SEPTIN9: variants seen among roughly 807,000 people sequenced by gnomAD.
SEPTIN9 encodes the protein septin-9.
SEPTIN9 carries 13 observed loss-of-function variants against 56.6 expected under a neutral mutation model. The ratio of observed to expected loss-of-function variants is 0.23; its 90% confidence interval spans 0.15 to 0.37. SEPTIN9 has a LOEUF of 0.37. Among genes scored for constraint, SEPTIN9 ranks in the 10% least tolerant of loss-of-function variants. SEPTIN9 has a pLI of 1.00. For synonymous variants in SEPTIN9, 332 were observed against 334.1 expected, an observed-to-expected ratio of 0.99 and a Z score of 0.07; for missense variants, 650 against 823.1, an observed-to-expected ratio of 0.79 and a Z score of 2.57.
At position 77,397,713 on chromosome 17, in the gene SEPTIN9, G is replaced by A. The variant is rs418850; in HGVS notation, c.77-4346G>A. ...CGCCCAGGCTGGAGTACTGTGGCAC[G>A]ATCTGGGCTCACTGCAACCTCTGCC... On this transcript the variant is annotated intron_variant, in intron 2 of 11. Coordinates refer to ENST00000427177, the MANE Select transcript of SEPTIN9 (RefSeq NM_001113491.2). Among the ~76,000 whole-genome samples, 628 of 152,196 alleles carry A rather than the reference G, an allele frequency of 4.1e-3. 4 individuals are homozygous for A. The highest frequency in any genetic ancestry group is 0.014 in the African/African-American group (580 of 41,528).
rs2040071558 is a variant in SEPTIN9, at chr17:77,492,472, T to C, written c.1381-149T>C. ...CTCTTCCCTCCAGGAGGCACAGGAG[T>C]TGGAGGTGATTGGTGTCACAGCCCC... On this transcript the variant is annotated intron_variant, in intron 8 of 11. Transcript: ENST00000427177. This position sits in a 1 kb window ranked among gnomAD's most constrained non-coding sequence, Gnocchi z 5.4. 1 of 732,412 alleles carries C rather than the reference T, an allele frequency of 1.4e-6. No homozygotes were observed. The highest frequency in any genetic ancestry group is 2.5e-6 in the Non-Finnish European group (1 of 402,860). 45.4% of individuals were successfully genotyped at this position (732,412 alleles called of 1,614,324 possible).
intron 2 of SEPTIN9, among the ~76,000 whole-genome samples, chr17:77,363,307 C>G (rs1004485300): frequency 6.7e-6 from 1 of 150,246 alleles, no homozygotes; most frequent in Non-Finnish European, 1.5e-5. Flanking sequence ...CTTTCTCTGA[C>G]GTGATACAAT....
intron 2 of SEPTIN9, among the ~76,000 whole-genome samples, chr17:77,382,015 T>C (rs2035161964): frequency 6.6e-6 from 1 of 152,090 alleles, no homozygotes; most frequent in Non-Finnish European, 1.5e-5. Context: ...TTCCTTTTCT[T>C]TTTTTCTTTT....
In SEPTIN9 at chr17:77,482,506, G is replaced by A. The variant is rs768661728; in HGVS notation, c.913+171G>A. 5.0e-5 allele frequency: 38 copies of A among 752,788 alleles called. No individual in the cohort carries two copies. In the African/African-American group the frequency reaches 5.3e-4, roughly 11 times the overall value. The allele number at this position is 752,788 out of a possible 1,614,324, so 46.6% of individuals were successfully genotyped here. On this transcript the variant is annotated intron_variant, in intron 4 of 11. Transcript: ENST00000427177. ...GCGTGTGCATGCATGCGCCTGGGAG[G>A]AGCCCACAGCCTCCAGCGGCTCCTC...
intron 3 of SEPTIN9, among the ~76,000 whole-genome samples, chr17:77,415,632 A>T (rs1002797351): frequency 1.0e-4 from 13 of 125,340 alleles, no homozygotes; most frequent in African/African-American, 3.9e-4. Flanking sequence ...TGTCTCAAAA[A>T]AAAAAAAAAA....
At chr17:77,463,264 C>T (rs970726583) in intron 3 of SEPTIN9, among the ~76,000 whole-genome samples, 2 of 152,096 alleles carry the variant, frequency 1.3e-5, no homozygotes, top group Admixed American at 6.5e-5. Flanking sequence ...TTGGAGTGTG[C>T]GTTCCAAGCC....
intron 3 of SEPTIN9, among the ~76,000 whole-genome samples, chr17:77,471,934 G>A (rs1242018495): frequency 6.6e-6 from 1 of 151,994 alleles, no homozygotes; most frequent in Non-Finnish European, 1.5e-5. Flanking sequence ...GACAAGGCAA[G>A]GGGGCAGCAG....
chr17:77,454,916 G>T (rs1316524320), intron 3 of SEPTIN9, among the ~76,000 whole-genome samples: 1 of 152,170 alleles, frequency 6.6e-6, no homozygotes, highest in Non-Finnish European at 1.5e-5. Flanking sequence ...CGACTCCGGG[G>T]CTGCGGGAAG....
intron 3 of SEPTIN9, chr17:77,446,279 T>G (rs1788662349): frequency 6.0e-6 from 1 of 167,092 alleles, no homozygotes; most frequent in Non-Finnish European, 1.5e-5. Context: ...TGGAGTTCCT[T>G]GGCTTGCGGC....
In SEPTIN9 at chr17:77,500,513, C is replaced by A; in HGVS notation, c.*1855C>A. Reference sequence around the variant, plus strand: ...CAATGGCCTTTTGCTACGTGCCTCCCGAGAAATTTGTCTTTTTGTATAAAT... The same window carrying A: ...CAATGGCCTTTTGCTACGTGCCTCCAGAGAAATTTGTCTTTTTGTATAAAT... On this transcript the variant is annotated 3_prime_UTR_variant, in exon 12 of 12. Coordinates refer to ENST00000427177, the MANE Select transcript of SEPTIN9 (RefSeq NM_001113491.2). 4.8e-6 allele frequency: 1 copy of A among 210,340 alleles called. No homozygotes were observed. Among genetic ancestry groups the A allele is most frequent in the Non-Finnish European group, 9.7e-6 (1 of 103,260 alleles). The allele number at this position is 210,340 out of a possible 1,614,324, so 13.0% of individuals were successfully genotyped here. A position where few individuals can be genotyped will look rare whatever the true frequency, so the allele number is the denominator to read the frequency against.
At chr17:77,412,069 G>A (rs2036322952) in intron 3 of SEPTIN9, among the ~76,000 whole-genome samples, 1 of 149,442 alleles carries the variant, frequency 6.7e-6, no homozygotes, top group African/African-American at 2.5e-5. Flanking sequence ...GGCAGAGGTT[G>A]CAGTGAGCCA....
rs2032736706 is a variant in SEPTIN9 at position 77,317,038 on chromosome 17, T to C, written c.76+9841T>C. Among the ~76,000 whole-genome samples, 1 of 152,130 alleles carries C rather than the reference T, an allele frequency of 6.6e-6. No homozygotes were observed. Among genetic ancestry groups the C allele is most frequent in the African/African-American group, 2.4e-5 (1 of 41,410 alleles). On this transcript the variant is annotated intron_variant, in intron 2 of 11. Transcript: ENST00000427177. The surrounding 1 kb of genome is among the most constrained non-coding windows in gnomAD (Gnocchi z 4.2). ...GATTCCTGCCCATCGGAGTCAGTGG[T>C]TGTTAGTGGTTGGCTTAACACAATG... is the stretch of plus-strand genomic sequence containing the variant.
intron 2 of SEPTIN9, among the ~76,000 whole-genome samples, chr17:77,311,856 G>A (rs951606846): frequency 3.3e-5 from 5 of 152,146 alleles, no homozygotes; most frequent in Non-Finnish European, 5.9e-5. Flanking sequence ...TTGGCTGCCC[G>A]AGGACCTTGC....
intron 2 of SEPTIN9, among the ~76,000 whole-genome samples, chr17:77,392,042 C>G (rs2035559328): frequency 6.6e-6 from 1 of 152,196 alleles, no homozygotes; most frequent in African/African-American, 2.4e-5. Context: ...GGAGGGTCCC[C>G]TTGCAGCCAG....
At chr17:77,378,609 G>T (rs962355466) in intron 2 of SEPTIN9, among the ~76,000 whole-genome samples, 2 of 152,214 alleles carry the variant, frequency 1.3e-5, no homozygotes, top group African/African-American at 4.8e-5. Context: ...TGATGCCACT[G>T]TATGAATGAG....
At chr17:77,447,569 T>G (rs918761693) in intron 3 of SEPTIN9, among the ~76,000 whole-genome samples, 6 of 152,224 alleles carry the variant, frequency 3.9e-5, no homozygotes, top group African/African-American at 1.4e-4. Flanking sequence ...TCACAGTAAT[T>G]GATATCTTTG....
chr17:77,318,843 T>A lies in SEPTIN9; in HGVS notation c.76+11646T>A, dbSNP rs779515189. Reference sequence around the variant, plus strand: ...CTCACCTGGTCACAGGTAACTCACCTGGCTCTGTGGGGCAGGGATTGTAAA... The same window carrying A: ...CTCACCTGGTCACAGGTAACTCACCAGGCTCTGTGGGGCAGGGATTGTAAA... On this transcript the variant is annotated intron_variant, in intron 2 of 11. Coordinates refer to ENST00000427177, the MANE Select transcript of SEPTIN9 (RefSeq NM_001113491.2). The surrounding 1 kb of genome is among the most constrained non-coding windows in gnomAD (Gnocchi z 4.9). Among the ~76,000 whole-genome samples the A allele has an allele frequency of 3.9e-5, 6 of 152,180 alleles. No individual in the cohort carries two copies. The highest frequency in any genetic ancestry group is 7.4e-5 in the Non-Finnish European group (5 of 68,010).
chr17:77,350,236 GGTTGGGCGGGAAGCCT>G (rs1393004883), intron 2 of SEPTIN9, among the ~76,000 whole-genome samples: 2 of 152,226 alleles, frequency 1.3e-5, no homozygotes, highest in Non-Finnish European at 2.9e-5. Flanking sequence ...AGAGGGGCAG[GGTTGGGCGGGAAGCCT>G]GTTGAGCCCT....
chr17:77,430,008 G>T (rs1461627099), intron 3 of SEPTIN9, among the ~76,000 whole-genome samples: 1 of 152,164 alleles, frequency 6.6e-6, no homozygotes, highest in African/African-American at 2.4e-5. Context: ...TCACCATGGG[G>T]TACCCCATGC....
Sources: gnomAD v4.1 joint callset for allele counts (sites outside exome capture counted in the v4.1 genomes callset) on GRCh38, gnomAD v4.1.1 for gene constraint, Gnocchi (gnomAD v3.1) non-coding constraint, MANE v1.5 for transcripts, NCBI Gene and HGNC (gene_info 2026-07-23, HGNC 2026-07-21) for gene names.